The following KSR2 variants were observed in gnomAD, a reference collection of about 807,000 sequenced individuals.
The protein encoded by KSR2 is kinase suppressor of ras 2.
KSR2 carries 25 observed loss-of-function variants against 107.8 expected under a neutral mutation model. That is an observed-to-expected ratio of 0.23 (90% CI 0.17 to 0.32). The LOEUF is 0.32. KSR2 is among the 10% of genes least tolerant of loss of function. The pLI is 1.00. For missense variants in KSR2, 887 were observed against 1,268.9 expected, an observed-to-expected ratio of 0.70 and a Z score of 4.57; for synonymous variants, 480 against 507.0, an observed-to-expected ratio of 0.95 and a Z score of 0.71.
chr12:117,671,329 T>C (rs1884897928), intron 4 of KSR2, among the ~76,000 whole-genome samples: 1 of 152,164 alleles, frequency 6.6e-6, no homozygotes, highest in Admixed American at 6.5e-5. Context: ...GATTGATTGA[T>C]CATTAGATAG....
chr12:117,747,590 TAAAATAA>T (rs1383460641), intron 4 of KSR2, among the ~76,000 whole-genome samples: 9 of 110,552 alleles, frequency 8.1e-5, no homozygotes, highest in African/African-American at 2.8e-4. Context: ...TCCCGGAACT[TAAAATAA>T]AATAAAATAA....
chr12:117,646,590 C>G (rs1883654423), intron 5 of KSR2, among the ~76,000 whole-genome samples: 1 of 152,146 alleles, frequency 6.6e-6, no homozygotes, highest in Admixed American at 6.5e-5. Context: ...AATACTCCAG[C>G]TGGAAGCAGG....
intron 1 of KSR2, among the ~76,000 whole-genome samples, chr12:117,940,828 G>A (rs1341003044): frequency 6.6e-6 from 1 of 152,104 alleles, no homozygotes; most frequent in Non-Finnish European, 1.5e-5. Flanking sequence ...GCTCACACCT[G>A]TAATCCCAGC....
intron 4 of KSR2, among the ~76,000 whole-genome samples, chr12:117,679,698 A>G (rs1885291178): frequency 6.6e-6 from 1 of 151,876 alleles, no homozygotes; most frequent in East Asian, 1.9e-4. Flanking sequence ...GGTGTGTAAA[A>G]CTCAAGAATT....
intron 14 of KSR2, among the ~76,000 whole-genome samples, chr12:117,510,526 A>G (rs1014336076): frequency 6.6e-6 from 1 of 152,214 alleles, no homozygotes; most frequent in Non-Finnish European, 1.5e-5. Context: ...AAGGGACAAG[A>G]GTGTTGTATT....
At chr12:117,477,007 T>G (rs926319941) in intron 16 of KSR2, among the ~76,000 whole-genome samples, 10 of 152,210 alleles carry the variant, frequency 6.6e-5, no homozygotes, top group African/African-American at 1.4e-4. Flanking sequence ...TAAAAACAAC[T>G]TATCTAACAG....
chr12:117,535,029 A>C (rs1875938691), intron 10 of KSR2, among the ~76,000 whole-genome samples: 1 of 152,206 alleles, frequency 6.6e-6, no homozygotes, highest in Non-Finnish European at 1.5e-5. Context: ...TGTGCTTTTA[A>C]GCCACAAAGT....
chr12:117,549,922 A>G (rs182494131), intron 9 of KSR2, among the ~76,000 whole-genome samples: 10 of 152,362 alleles, frequency 6.6e-5, no homozygotes, highest in African/African-American at 2.4e-4. Flanking sequence ...TATGGTACTC[A>G]CTTATCCTGG....
chr12:117,764,991 T>G (rs907770272), intron 3 of KSR2, among the ~76,000 whole-genome samples: 2 of 152,246 alleles, frequency 1.3e-5, no homozygotes, highest in African/African-American at 4.8e-5. Flanking sequence ...ATTGTAATTC[T>G]CAACACTGTG....
chr12:117,885,964 C>T (rs961231369), intron 1 of KSR2, among the ~76,000 whole-genome samples: 3 of 151,908 alleles, frequency 2.0e-5, no homozygotes, highest in Non-Finnish European at 4.4e-5. Context: ...AACGGGGTGG[C>T]GGACGCCTGT....
At chr12:117,880,036 C>T (rs1202480679) in intron 1 of KSR2, among the ~76,000 whole-genome samples, 1 of 151,776 alleles carries the variant, frequency 6.6e-6, no homozygotes, top group Non-Finnish European at 1.5e-5. Context: ...ATCCCAGCTA[C>T]TTGGGAGGCT....
intron 4 of KSR2, among the ~76,000 whole-genome samples, chr12:117,752,828 G>A (rs1211261188): frequency 1.3e-5 from 2 of 152,080 alleles, no homozygotes; most frequent in African/African-American, 4.8e-5. Context: ...TGAAAAGAAG[G>A]AACAAGCCAT....
chr12:117,870,967 C>G (rs181725206), intron 1 of KSR2, among the ~76,000 whole-genome samples: 6 of 152,310 alleles, frequency 3.9e-5, no homozygotes, highest in Admixed American at 6.5e-5. Flanking sequence ...GGGCAGAGAT[C>G]GAGCAGTGCT....
At chr12:117,751,189 T>G (rs1365298288) in intron 4 of KSR2, among the ~76,000 whole-genome samples, 4 of 152,132 alleles carry the variant, frequency 2.6e-5, no homozygotes, top group Non-Finnish European at 5.9e-5. Flanking sequence ...GCTCTGCACT[T>G]CTCCTTGCTG....
At chr12:117,585,365 T>C (rs897798725) in intron 5 of KSR2, among the ~76,000 whole-genome samples, 2 of 152,216 alleles carry the variant, frequency 1.3e-5, no homozygotes, top group African/African-American at 4.8e-5. Flanking sequence ...ATAGCCTAGT[T>C]ATTCAGTTAT....
chr12:117,652,470 A>G (rs1883944457), intron 5 of KSR2, among the ~76,000 whole-genome samples: 1 of 152,188 alleles, frequency 6.6e-6, no homozygotes. Flanking sequence ...AGGATGGACA[A>G]AAGGCTAATT....
intron 1 of KSR2, among the ~76,000 whole-genome samples, chr12:117,956,342 A>G (rs1206608824): frequency 6.7e-6 from 1 of 149,894 alleles, no homozygotes; most frequent in African/African-American, 2.5e-5. Context: ...CCAAGGCAGG[A>G]GGGCTGCTTG....
intron 5 of KSR2, among the ~76,000 whole-genome samples, chr12:117,607,149 A>T (rs1249589373): frequency 6.6e-6 from 1 of 152,162 alleles, no homozygotes; most frequent in African/African-American, 2.4e-5. Flanking sequence ...GGTTCATCTC[A>T]GCCTCCCCTG....
At chr12:117,858,567 C>A (rs1893177718) in intron 2 of KSR2, among the ~76,000 whole-genome samples, 1 of 152,194 alleles carries the variant, frequency 6.6e-6, no homozygotes, top group African/African-American at 2.4e-5. Flanking sequence ...CTAAAAAAGA[C>A]AGGAAGCCTC....
Sources: allele counts gnomAD v4.1 joint callset (sites outside exome capture counted in the v4.1 genomes callset), GRCh38; gene constraint gnomAD v4.1.1; transcripts MANE v1.5; gene names NCBI Gene and HGNC (gene_info 2026-07-23, HGNC 2026-07-21).